Variants in SLC35D4 observed in about 807,000 individuals in gnomAD.
SLC35D4 encodes UDP-N-acetylglucosamine transporter SLC35D4.
At chr18:23,334,417 C>T in the SLC35D4 span, among the ~76,000 whole-genome samples, 2 of 152,186 alleles carry the variant, frequency 1.3e-5, no homozygotes, top group African/African-American at 2.4e-5. Context: ...CCCCTTCAAC[C>T]CTTCTCCTGT....
chr18:23,429,970 T>A, the SLC35D4 span, among the ~76,000 whole-genome samples: 2 of 152,240 alleles, frequency 1.3e-5, no homozygotes, highest in African/African-American at 2.4e-5. Context: ...CTGTTTACTC[T>A]GTTAATAGTT....
At chr18:23,308,323 C>T in the SLC35D4 span, among the ~76,000 whole-genome samples, 7 of 152,072 alleles carry the variant, frequency 4.6e-5, no homozygotes, top group African/African-American at 9.7e-5. Flanking sequence ...GCTGATTTGG[C>T]GAACGATCTA....
At chr18:23,252,933 T>C in the SLC35D4 span, 1 of 1,443,178 alleles carries the variant, frequency 6.9e-7, no homozygotes, top group Non-Finnish European at 9.8e-7. Context: ...TTTTAAGGAG[T>C]GATCCGTGTT....
At chr18:23,254,128 G>T in the SLC35D4 span, among the ~76,000 whole-genome samples, 6 of 152,166 alleles carry the variant, frequency 3.9e-5, no homozygotes, top group Non-Finnish European at 8.8e-5. Flanking sequence ...GATCTACTTT[G>T]ACAAGACCAA....
chr18:23,285,294 T>C, the SLC35D4 span, among the ~76,000 whole-genome samples: 1 of 152,096 alleles, frequency 6.6e-6, no homozygotes, highest in Non-Finnish European at 1.5e-5. Flanking sequence ...TCCTTCACTA[T>C]AGGCAACCTT....
chr18:23,276,516 G>A, the SLC35D4 span, among the ~76,000 whole-genome samples: 2 of 151,864 alleles, frequency 1.3e-5, no homozygotes, highest in Non-Finnish European at 2.9e-5. Flanking sequence ...AAGGCAGAGT[G>A]GGGCCCCAGC....
the SLC35D4 span, among the ~76,000 whole-genome samples, chr18:23,240,130 CA>C: frequency 2.0e-5 from 3 of 152,040 alleles, no homozygotes; most frequent in Non-Finnish European, 4.4e-5. Flanking sequence ...CAAAACAAAA[CA>C]AAAACAGCGG....
At chr18:23,430,407 A>G in the SLC35D4 span, among the ~76,000 whole-genome samples, 4 of 152,144 alleles carry the variant, frequency 2.6e-5, no homozygotes. Flanking sequence ...ATCAATCCCA[A>G]AGAAATAGTT....
chr18:23,339,464 T>C, the SLC35D4 span, among the ~76,000 whole-genome samples: 1 of 152,220 alleles, frequency 6.6e-6, no homozygotes, highest in African/African-American at 2.4e-5. Flanking sequence ...TAAATGTGAT[T>C]AGCATTTAGT....
the SLC35D4 span, among the ~76,000 whole-genome samples, chr18:23,301,258 A>G: frequency 6.6e-6 from 1 of 152,176 alleles, no homozygotes; most frequent in African/African-American, 2.4e-5. Flanking sequence ...GGTAATCAGC[A>G]ACGTTATTGA....
the SLC35D4 span, among the ~76,000 whole-genome samples, chr18:23,329,807 C>T: frequency 6.6e-6 from 1 of 152,172 alleles, no homozygotes. Flanking sequence ...GAACTAACCC[C>T]AATGTCCATC....
the SLC35D4 span, among the ~76,000 whole-genome samples, chr18:23,412,173 G>C: frequency 7.9e-5 from 12 of 152,092 alleles, no homozygotes; most frequent in African/African-American, 2.4e-4. Flanking sequence ...TACGAAATTA[G>C]CCAGGCATGG....
the SLC35D4 span, chr18:23,377,791 G>T: frequency 2.3e-6 from 2 of 862,662 alleles, no homozygotes; most frequent in Non-Finnish European, 3.3e-6. Flanking sequence ...GAGCTTAACA[G>T]CTTGCTGCAC....
At chr18:23,373,553 G>T in the SLC35D4 span, among the ~76,000 whole-genome samples, 1 of 152,168 alleles carries the variant, frequency 6.6e-6, no homozygotes, top group African/African-American at 2.4e-5. Flanking sequence ...AAATGGTGTT[G>T]CCCAGGCCCA....
chr18:23,359,117 T>A, the SLC35D4 span, among the ~76,000 whole-genome samples: 1 of 152,192 alleles, frequency 6.6e-6, no homozygotes. Flanking sequence ...CTGGGCGCGG[T>A]GGCTGACGCC....
the SLC35D4 span, among the ~76,000 whole-genome samples, chr18:23,248,749 C>T: frequency 1.3e-5 from 2 of 152,202 alleles, no homozygotes; most frequent in East Asian, 1.9e-4. Context: ...CGCTTGAACC[C>T]AGGAGGCAGG....
chr18:23,428,004 C>A, the SLC35D4 span, among the ~76,000 whole-genome samples: 1 of 151,990 alleles, frequency 6.6e-6, no homozygotes, highest in Non-Finnish European at 1.5e-5. Flanking sequence ...AAACATCACA[C>A]ACAGGGGCCT....
chr18:23,433,266 C>T, the SLC35D4 span, among the ~76,000 whole-genome samples: 1 of 152,078 alleles, frequency 6.6e-6, no homozygotes, highest in African/African-American at 2.4e-5. Flanking sequence ...AGATGATCCA[C>T]CTGTCTTGGT....
chr18:23,256,014 T>C, the SLC35D4 span, among the ~76,000 whole-genome samples: 1 of 152,238 alleles, frequency 6.6e-6, no homozygotes, highest in East Asian at 1.9e-4. Context: ...GCCCTTGGCC[T>C]TCCTTACATG....
Sources: allele counts gnomAD v4.1 joint callset (sites outside exome capture counted in the v4.1 genomes callset), GRCh38; gene constraint gnomAD v4.1.1; transcripts MANE v1.5; gene names NCBI Gene and HGNC (gene_info 2026-07-23, HGNC 2026-07-21).